The following RIPK2 variants were observed in gnomAD, a reference collection of about 807,000 sequenced individuals.
RIPK2 encodes the protein receptor-interacting serine/threonine-protein kinase 2.
A neutral mutation model predicts 60.9 loss-of-function variants in RIPK2; 38 were observed. The ratio of observed to expected loss-of-function variants is 0.62; its 90% CI spans 0.48 to 0.82. The LOEUF is 0.82. RIPK2 is among the 40% of genes least tolerant of loss of function. The pLI is 0.00. For missense variants in RIPK2, 518 were observed against 647.0 expected, an observed-to-expected ratio of 0.80 and a Z score of 2.16; for synonymous variants, 225 against 223.4, an observed-to-expected ratio of 1.01 and a Z score of -0.06.
In RIPK2 at chr8:89,790,139, A is replaced by G; in HGVS notation, c.1346A>G (p.Asn449Ser). The change falls in exon 11 of 11, where the codon AAC becomes AGC. Residue 449 changes from asparagine to serine, a missense_variant. By Grantham distance (46) the Asn-to-Ser change is conservative. This residue lies in a region of RIPK2 where 29 missense variants were observed against 68.6 expected (regional missense o/e 0.42). Transcript: ENST00000220751. ...CAGAGCAAAAGGGAAGACATTGTGA[A>G]CCAAATGACAGAAGCCTGCCTTAAC... ...WIQSKREDIVNQMTEACLNQS... is the reference protein window; with the variant it reads ...WIQSKREDIVSQMTEACLNQS... The G allele has an allele frequency of 8.7e-6, 14 of 1,614,156 alleles. No homozygotes were observed. Among genetic ancestry groups the G allele is most frequent in the Non-Finnish European group, 1.2e-5 (14 of 1,180,006 alleles).
chr8:89,772,641 T>G, intron 5 of RIPK2, 26 bp from the exon 6 acceptor site: 1 of 1,518,006 alleles, frequency 6.6e-7, no homozygotes, highest in Non-Finnish European at 9.0e-7. Context: ...ATATTACTAA[T>G]GAATGCAATC....
intron 2 of RIPK2, among the ~76,000 whole-genome samples, chr8:89,764,247 G>A (rs567204676): frequency 2.2e-4 from 33 of 152,250 alleles, no homozygotes; most frequent in Middle Eastern, 3.4e-3. Flanking sequence ...AATGTTCCAC[G>A]TCAGCTTTTT....
chr8:89,768,172 C>G (rs1334056456), intron 3 of RIPK2, among the ~76,000 whole-genome samples: 1 of 151,484 alleles, frequency 6.6e-6, no homozygotes, highest in East Asian at 1.9e-4. Context: ...TTCTTTTTGC[C>G]ACGTATCGTT....
intron 1 of RIPK2, chr8:89,759,388 C>T (rs751312071): frequency 6.8e-5 from 31 of 456,142 alleles, no homozygotes; most frequent in Non-Finnish European, 1.1e-4. Flanking sequence ...ATTCTCTTCT[C>T]CTCCTCCTAT....
chr8:89,774,265 T>C (rs1329681582), intron 6 of RIPK2, among the ~76,000 whole-genome samples: 1 of 152,154 alleles, frequency 6.6e-6, no homozygotes, highest in African/African-American at 2.4e-5. Flanking sequence ...CCAAGGGAGA[T>C]ATACAAATAG....
At chr8:89,771,155 C>T (rs1809304965) in intron 4 of RIPK2, among the ~76,000 whole-genome samples, 1 of 151,784 alleles carries the variant, frequency 6.6e-6, no homozygotes, top group African/African-American at 2.4e-5. Context: ...CCTCTGTACT[C>T]CTCGCTCTCC....
intron 2 of RIPK2, among the ~76,000 whole-genome samples, chr8:89,764,129 C>A (rs1023349555): frequency 6.6e-6 from 1 of 152,172 alleles, no homozygotes; most frequent in East Asian, 1.9e-4. Context: ...TGCAGAGAGG[C>A]CTGGTAACTG....
intron 6 of RIPK2, among the ~76,000 whole-genome samples, chr8:89,779,317 T>TTG (rs1809456813): frequency 7.9e-6 from 1 of 127,254 alleles, no homozygotes; most frequent in African/African-American, 3.1e-5. Context: ...TGGGTTTTTT[T>TTG]TTTTTTTTTT....
intron 1 of RIPK2, among the ~76,000 whole-genome samples, chr8:89,761,018 G>T (rs10504881): frequency 6.6e-6 from 1 of 152,072 alleles, no homozygotes; most frequent in African/African-American, 2.4e-5. Context: ...CTAGCAGTTG[G>T]AGTATTAAGT....
chr8:89,774,070 T>G (rs1394918649), intron 6 of RIPK2, among the ~76,000 whole-genome samples: 1 of 150,980 alleles, frequency 6.6e-6, no homozygotes, highest in Non-Finnish European at 1.5e-5. Context: ...CACTCCAACC[T>G]GGGCAACATA....
chr8:89,772,615 T>C, intron 5 of RIPK2, 52 bp from the exon 6 acceptor site: 1 of 1,316,282 alleles, frequency 7.6e-7, no homozygotes. Context: ...ATGTAAGTAA[T>C]ATGCTTAATC....
chr8:89,762,822 T>C lies in RIPK2; in HGVS notation c.174-7T>C. The C allele has an allele frequency of 7.5e-7, 1 of 1,329,568 alleles. No individual in the cohort carries two copies. The highest frequency in any genetic ancestry group is 1.0e-6 in the Non-Finnish European group (1 of 992,806). 82.4% of individuals were successfully genotyped at this position (1,329,568 alleles called of 1,614,324 possible). A position where few individuals can be genotyped will look rare whatever the true frequency, so the allele number is the denominator to read the frequency against. ...TACTTGAATAATTATGCATTTTTTT[T>C]TCTTAGTGAAAGAAAGGATGTCTTA... On this transcript the variant is annotated splice_polypyrimidine_tract_variant and splice_region_variant and intron_variant, in intron 1 of 10. Coordinates refer to ENST00000220751, the MANE Select transcript of RIPK2 (RefSeq NM_003821.6).
intron 7 of RIPK2, 43 bp from the exon 8 acceptor site, chr8:89,784,007 C>A (rs775116216): frequency 2.9e-6 from 3 of 1,030,382 alleles, no homozygotes; most frequent in South Asian, 2.9e-5. Context: ...ATTTCCTAAT[C>A]ATCTCCAGTT....
At chr8:89,776,797 C>T (rs950950769) in intron 6 of RIPK2, among the ~76,000 whole-genome samples, 1 of 152,140 alleles carries the variant, frequency 6.6e-6, no homozygotes, top group South Asian at 2.1e-4. Flanking sequence ...ACCAGCGACC[C>T]CACTTCTGGC....
chr8:89,779,089 C>T (rs28823689), intron 6 of RIPK2, among the ~76,000 whole-genome samples: 16,597 of 152,016 alleles, frequency 0.11, 1,089 homozygotes, highest in African/African-American at 0.19. Context: ...ATTTGTATAT[C>T]TCCTTTAGTG....
chr8:89,781,354 A>ATTTTTTTTTTTTCTTT (rs1554598656), intron 7 of RIPK2, among the ~76,000 whole-genome samples: 176 of 143,972 alleles, frequency 1.2e-3, no homozygotes, highest in African/African-American at 4.4e-3. Context: ...AATAGATTGA[A>ATTTTTTTTTTTTCTTT]TTTTTTTTTT....
At chr8:89,778,326 T>C (rs1390631833) in intron 6 of RIPK2, among the ~76,000 whole-genome samples, 1 of 152,158 alleles carries the variant, frequency 6.6e-6, no homozygotes, top group East Asian at 1.9e-4. Flanking sequence ...CAAAGTATAA[T>C]TTACTTACCA....
intron 6 of RIPK2, among the ~76,000 whole-genome samples, chr8:89,777,078 GCAGA>G (rs1369769688): frequency 1.3e-5 from 2 of 152,166 alleles, no homozygotes; most frequent in Non-Finnish European, 2.9e-5. Flanking sequence ...GTAGACCAAG[GCAGA>G]CAGACTTCAT....
chr8:89,764,483 T>C (rs1239378214), intron 2 of RIPK2, among the ~76,000 whole-genome samples: 1 of 152,170 alleles, frequency 6.6e-6, no homozygotes, highest in South Asian at 2.1e-4. Flanking sequence ...AGCAGTCTTT[T>C]TCATAGCATT....
Sources: allele counts gnomAD v4.1 joint callset (sites outside exome capture counted in the v4.1 genomes callset), GRCh38; gene constraint gnomAD v4.1.1; regional missense constraint gnomAD v4.1.1; transcripts MANE v1.5; gene names NCBI Gene and HGNC (gene_info 2026-07-23, HGNC 2026-07-21).